Variants in TRAF3IP1 observed in about 807,000 individuals in gnomAD.
The protein encoded by TRAF3IP1 is intraflagellar transport 54, also known as TRAF3-interacting protein 1.
TRAF3IP1 carries 53 observed loss-of-function variants against 89.9 expected under a neutral mutation model. The observed-to-expected ratio is 0.59, with a 90% CI of 0.47 to 0.74. The LOEUF is 0.74. Ranked by LOEUF, TRAF3IP1 falls within the 30% of genes least tolerant of loss-of-function variation. The pLI, the probability that TRAF3IP1 is intolerant of heterozygous loss-of-function variation, is 0.00. For missense variants in TRAF3IP1, 806 were observed against 866.1 expected, an observed-to-expected ratio of 0.93 and a Z score of 0.87; for synonymous variants, 311 against 322.1, an observed-to-expected ratio of 0.97 and a Z score of 0.37.
At position 238,332,829 on chromosome 2, in the gene TRAF3IP1, A is replaced by G; in HGVS notation, c.921A>G (p.Ala307=). 6.2e-7 allele frequency: 1 copy of G among 1,607,274 alleles called. No homozygotes were observed. The highest frequency in any genetic ancestry group is 1.1e-5 in the South Asian group (1 of 89,550). ...REHDKPEKKS[A]SSGEMSKKLS... Reference sequence around the variant, plus strand: ...ATTTTTTTTTTTTTTAATAGTCAGCAAGCTCAGGGGAGATGTCTAAAAAGT... The same window carrying G: ...ATTTTTTTTTTTTTTAATAGTCAGCGAGCTCAGGGGAGATGTCTAAAAAGT... The change falls in exon 6 of 17, where the codon GCA becomes GCG. Residue 307 remains alanine (A), a synonymous_variant. Coordinates refer to ENST00000373327, the MANE Select transcript of TRAF3IP1 (RefSeq NM_015650.4).
chr2:238,382,017 G>C (rs1168893308), intron 15 of TRAF3IP1, among the ~76,000 whole-genome samples: 1 of 152,120 alleles, frequency 6.6e-6, no homozygotes, highest in African/African-American at 2.4e-5. Flanking sequence ...ACCTGAAGCC[G>C]TAAAGAAGCA....
At chr2:238,338,324 TATA>T (rs3077556) in intron 7 of TRAF3IP1, 35 bp from the exon 8 acceptor site, 80,715 of 1,272,758 alleles carry the variant, frequency 0.063, 4,661 homozygotes, top group African/African-American at 0.27. Context: ...CAAAATCTTT[TATA>T]ATATTTTAAT....
At chr2:238,358,942 A>C (rs1699542833) in intron 15 of TRAF3IP1, among the ~76,000 whole-genome samples, 1 of 152,252 alleles carries the variant, frequency 6.6e-6, no homozygotes, top group Non-Finnish European at 1.5e-5. Context: ...GTAAAGGGCC[A>C]GATAAAAATA....
At chr2:238,343,179 G>A (rs1698736805) in intron 8 of TRAF3IP1, among the ~76,000 whole-genome samples, 1 of 151,776 alleles carries the variant, frequency 6.6e-6, no homozygotes, top group Non-Finnish European at 1.5e-5. Flanking sequence ...TCTGCTTCCC[G>A]GGTCCAAGAG....
At position 238,379,707 on chromosome 2, in the gene TRAF3IP1, A is replaced by G. The variant is rs1700466666; in HGVS notation, c.1690-17752A>G. On this transcript the variant is annotated intron_variant, in intron 15 of 16. Coordinates refer to ENST00000373327, the MANE Select transcript of TRAF3IP1 (RefSeq NM_015650.4). The surrounding 1 kb of genome is among the most constrained non-coding windows in gnomAD (Gnocchi z 4.0). ...CAGTTCAGTGGGTCTCTTGTTGCCC[A>G]GTAACTACCTTTTATAGCTGGTATT... Among the ~76,000 whole-genome samples, 1 of 152,218 alleles carries G rather than the reference A, an allele frequency of 6.6e-6. No homozygotes were observed. The highest frequency in any genetic ancestry group is 2.4e-5 in the African/African-American group (1 of 41,448).
intron 15 of TRAF3IP1, among the ~76,000 whole-genome samples, chr2:238,360,795 G>A (rs1574939759): frequency 6.6e-6 from 1 of 151,964 alleles, no homozygotes; most frequent in Admixed American, 6.6e-5. Flanking sequence ...CAGGAGAATC[G>A]CTTGAACCTG....
chr2:238,372,646 C>G (rs1700158170), intron 15 of TRAF3IP1, among the ~76,000 whole-genome samples: 1 of 152,178 alleles, frequency 6.6e-6, no homozygotes, highest in African/African-American at 2.4e-5. Context: ...GGTATATACC[C>G]AGTAATGGGA....
In TRAF3IP1 at chr2:238,379,993, CT is replaced by C. The variant is rs1700477565; in HGVS notation, c.1690-17462del. On this transcript the variant is annotated intron_variant, in intron 15 of 16. Coordinates refer to ENST00000373327, the MANE Select transcript of TRAF3IP1 (RefSeq NM_015650.4). The surrounding 1 kb of genome is among the most constrained non-coding windows in gnomAD (Gnocchi z 4.0). ...TAAAGTCCATTTTAAAACTTAGATT[CT>C]TTTGCTGCTGCTGCCTATGAGATGG... Among the ~76,000 whole-genome samples, 1 of 152,176 alleles carries C rather than the reference CT, an allele frequency of 6.6e-6. No individual in the cohort carries two copies. The highest frequency in any genetic ancestry group is 1.5e-5 in the Non-Finnish European group (1 of 68,022).
chr2:238,334,360 C>T (rs1010723874), intron 7 of TRAF3IP1, among the ~76,000 whole-genome samples: 2 of 152,202 alleles, frequency 1.3e-5, no homozygotes, highest in Non-Finnish European at 2.9e-5. Flanking sequence ...CTGTCCTTTG[C>T]GTTGGCAGTC....
chr2:238,392,546 G>T (rs1272089238), intron 15 of TRAF3IP1, among the ~76,000 whole-genome samples: 3 of 151,228 alleles, frequency 2.0e-5, no homozygotes, highest in African/African-American at 4.9e-5. Context: ...GGGCCATCCA[G>T]TTTGTTCCAT....
intron 15 of TRAF3IP1, among the ~76,000 whole-genome samples, chr2:238,373,350 T>C (rs1453739120): frequency 6.6e-6 from 1 of 152,242 alleles, no homozygotes; most frequent in Non-Finnish European, 1.5e-5. Flanking sequence ...TTTCTACATA[T>C]GGCTAGCCAG....
Position 238,347,473 on chromosome 2 carries a change from C to G in TRAF3IP1, c.1280C>G (p.Ala427Gly), listed in dbSNP as rs1307481215. Residue 427 changes from alanine to glycine, a missense_variant and splice_region_variant, in exon 10 of 17, where the codon GCA becomes GGA. Ala to Gly is a moderately conservative substitution (Grantham distance 60, BLOSUM62 0). Coordinates refer to ENST00000373327, the MANE Select transcript of TRAF3IP1 (RefSeq NM_015650.4). The part of the protein sequence containing the change: ...EKQKGDSTSD[A>G]EGDAGPAGQD... ...TCTTTAGGTGACTCCACCAGTGATGCAGGTGAGGAATGGCCTTAGATACCT... is the reference window on the plus strand; with the variant it reads ...TCTTTAGGTGACTCCACCAGTGATGGAGGTGAGGAATGGCCTTAGATACCT... 1 of 1,613,890 alleles carries G rather than the reference C, an allele frequency of 6.2e-7. No homozygotes were observed. Among genetic ancestry groups the G allele is most frequent in the East Asian group, 2.2e-5 (1 of 44,878 alleles).
intron 7 of TRAF3IP1, among the ~76,000 whole-genome samples, chr2:238,336,153 G>A (rs965321924): frequency 2.6e-5 from 4 of 152,176 alleles, no homozygotes; most frequent in Admixed American, 6.5e-5. Context: ...TAAGCAGACA[G>A]TTGTATCATC....
chr2:238,331,210 C>T (rs561713089), intron 5 of TRAF3IP1, among the ~76,000 whole-genome samples: 2 of 151,744 alleles, frequency 1.3e-5, no homozygotes, highest in South Asian at 4.2e-4. Context: ...CTTGTAATCC[C>T]AGCACTTTGG....
chr2:238,373,234 TA>T (rs1357163578), intron 15 of TRAF3IP1, among the ~76,000 whole-genome samples: 3 of 152,236 alleles, frequency 2.0e-5, no homozygotes, highest in Non-Finnish European at 4.4e-5. Flanking sequence ...TGGTATTGCC[TA>T]GGTTTTCTTC....
At position 238,362,221 on chromosome 2, in the gene TRAF3IP1, T is replaced by G. The variant is rs1699693216; in HGVS notation, c.1689+6141T>G. On this transcript the variant is annotated intron_variant, in intron 15 of 16. Coordinates refer to ENST00000373327, the MANE Select transcript of TRAF3IP1 (RefSeq NM_015650.4). Reference sequence around the variant, plus strand: ...TCATTCTTTTCTTAGTATCACCATCTTAATGTTATTAGCTGTCCTTTCAAA... The same window carrying G: ...TCATTCTTTTCTTAGTATCACCATCGTAATGTTATTAGCTGTCCTTTCAAA... Among the ~76,000 whole-genome samples the G allele has an allele frequency of 2.6e-5, 4 of 152,340 alleles. No homozygotes were observed. The South Asian group carries it at 8.3e-4, about 32-fold the overall frequency.
intron 15 of TRAF3IP1, 83 bp from the exon 16 acceptor site, chr2:238,397,376 T>C: frequency 1.6e-6 from 2 of 1,244,082 alleles, no homozygotes; most frequent in Non-Finnish European, 2.3e-6. Flanking sequence ...CCCAGCCCCA[T>C]GGCCGTGTGC....
In TRAF3IP1 at chr2:238,386,293, A is replaced by G. The variant is rs139333926; in HGVS notation, c.1690-11166A>G. 1.9e-4 allele frequency among the ~76,000 whole-genome samples: 29 copies of G among 152,250 alleles called. 1 individual carries two copies. The East Asian group carries it at 5.4e-3, about 28-fold the overall frequency. Reference sequence around the variant, plus strand: ...GCTGTGTCAGCAACTGGGCTTCTGAAAAATATAACTCTTAAACATTTTTTT... The same window carrying G: ...GCTGTGTCAGCAACTGGGCTTCTGAGAAATATAACTCTTAAACATTTTTTT... On this transcript the variant is annotated intron_variant, in intron 15 of 16. Coordinates refer to ENST00000373327, the MANE Select transcript of TRAF3IP1 (RefSeq NM_015650.4).
chr2:238,364,724 T>C (rs902681464), intron 15 of TRAF3IP1, among the ~76,000 whole-genome samples: 1 of 152,200 alleles, frequency 6.6e-6, no homozygotes, highest in African/African-American at 2.4e-5. Flanking sequence ...GGAGTACTTC[T>C]TTTTGTAGAT....
Sources: allele counts gnomAD v4.1 joint callset (sites outside exome capture counted in the v4.1 genomes callset), GRCh38; gene constraint gnomAD v4.1.1; non-coding constraint Gnocchi (gnomAD v3.1); transcripts MANE v1.5; gene names NCBI Gene and HGNC (gene_info 2026-07-23, HGNC 2026-07-21).